MAP1LC3B: variants seen among roughly 807,000 people sequenced by gnomAD.
The protein encoded by MAP1LC3B is microtubule-associated protein 1 light chain 3 beta.
In MAP1LC3B, 12 loss-of-function variants were observed where a neutral mutation model predicts 16.7. The observed-to-expected ratio is 0.72, with a 90% CI of 0.46 to 1.16. The LOEUF (loss-of-function observed/expected upper bound fraction) is 1.16. MAP1LC3B is among the 50% of genes most tolerant of loss of function. MAP1LC3B has a pLI of 0.00. For synonymous variants in MAP1LC3B, 63 were observed against 56.5 expected, an observed-to-expected ratio of 1.11 and a Z score of -0.51; for missense variants, 155 against 159.5, an observed-to-expected ratio of 0.97 and a Z score of 0.15.
chr16:87,392,617 G>A (rs1486349725), intron 1 of MAP1LC3B, 150 bp downstream of exon 1: 8 of 684,940 alleles, frequency 1.2e-5, no homozygotes. Context: ...GAGGGATGCG[G>A]GGCCCGGGGC....
chr16:87,398,533 A>C (rs565874195), intron 1 of MAP1LC3B, among the ~76,000 whole-genome samples: 16 of 152,354 alleles, frequency 1.1e-4, no homozygotes, highest in African/African-American at 3.4e-4. Flanking sequence ...GTCTGACCAC[A>C]AACTTTGGGC....
At chr16:87,395,155 A>G (rs917465123) in intron 1 of MAP1LC3B, among the ~76,000 whole-genome samples, 4 of 152,240 alleles carry the variant, frequency 2.6e-5, no homozygotes, top group African/African-American at 9.6e-5. Context: ...CAACTTTGCA[A>G]AGAACGTGTT....
intron 2 of MAP1LC3B, 75 bp from the exon 3 acceptor site, chr16:87,402,100 G>T: frequency 6.8e-7 from 1 of 1,473,852 alleles, no homozygotes; most frequent in South Asian, 1.2e-5. Context: ...CTCCCAAAAT[G>T]CTGGGGTTAC....
intron 3 of MAP1LC3B, 24 bp downstream of exon 3, chr16:87,402,305 A>G: frequency 6.3e-7 from 1 of 1,599,368 alleles, no homozygotes; most frequent in Non-Finnish European, 8.6e-7. Context: ...TTTGTTTCAT[A>G]ATATATTTCC....
intron 1 of MAP1LC3B, among the ~76,000 whole-genome samples, chr16:87,394,929 A>G (rs533362478): frequency 6.7e-6 from 1 of 149,970 alleles, no homozygotes; most frequent in South Asian, 2.1e-4. Flanking sequence ...CCAAACAGAC[A>G]AATAAGAGTT....
chr16:87,394,375 A>G (rs1907726488), intron 1 of MAP1LC3B, among the ~76,000 whole-genome samples: 1 of 152,238 alleles, frequency 6.6e-6, no homozygotes, highest in Non-Finnish European at 1.5e-5. Context: ...AGTGAGGGAA[A>G]TGAATCCTTA....
intron 3 of MAP1LC3B, chr16:87,402,568 G>A (rs1908032375): frequency 1.8e-6 from 1 of 544,418 alleles, no homozygotes. Context: ...TTAAGGTATT[G>A]TACAGCAAAG....
rs201944881 is a variant in MAP1LC3B at position 87,402,912 on chromosome 16, T to G, written c.204-11T>G. ...TTGTCAATATTTCTTCACGTTGTTT[T>G]CTTTCAATAGAAGGCGCTTACAGCT... On this transcript the variant is annotated splice_polypyrimidine_tract_variant and intron_variant, in intron 3 of 3. Coordinates refer to ENST00000268607, the MANE Select transcript of MAP1LC3B (RefSeq NM_022818.5). 1 of 1,613,734 alleles carries G rather than the reference T, an allele frequency of 6.2e-7. No homozygotes were observed. The highest frequency in any genetic ancestry group is 8.5e-7 in the Non-Finnish European group (1 of 1,179,786).
At chr16:87,393,503 T>C (rs1167956275) in intron 1 of MAP1LC3B, among the ~76,000 whole-genome samples, 3 of 152,184 alleles carry the variant, frequency 2.0e-5, no homozygotes, top group Non-Finnish European at 4.4e-5. Context: ...TTGGATATAG[T>C]TTTGCAGGTC....
intron 2 of MAP1LC3B, 123 bp downstream of exon 2, chr16:87,398,993 C>T (rs1001600965): frequency 1.5e-5 from 12 of 806,718 alleles, no homozygotes; most frequent in Non-Finnish European, 2.6e-5. Context: ...GTGTCAGTTT[C>T]ACAACCTAGA....
intron 2 of MAP1LC3B, chr16:87,399,666 C>T: frequency 4.4e-6 from 2 of 450,676 alleles, no homozygotes; most frequent in Non-Finnish European, 8.9e-6. Flanking sequence ...TAATGAGACT[C>T]AGAGGCTCAT....
In MAP1LC3B at chr16:87,396,151, G is replaced by A. The variant is rs1597388956; in HGVS notation, c.41-2664G>A. 3.3e-5 allele frequency among the ~76,000 whole-genome samples: 5 copies of A among 151,010 alleles called. No homozygotes were observed. The South Asian group carries it at 6.4e-4, about 19-fold the overall frequency. ...GCTGGGTTTACGAGCGTGAGCCACC[G>A]CACCCAGCCAAACCTAGTTTCCTAT... On this transcript the variant is annotated intron_variant, in intron 1 of 3. Transcript: ENST00000268607.
intron 2 of MAP1LC3B, among the ~76,000 whole-genome samples, chr16:87,401,923 C>T (rs555970272): frequency 1.3e-5 from 2 of 152,060 alleles, no homozygotes; most frequent in Non-Finnish European, 2.9e-5. Flanking sequence ...AGCTCCACCT[C>T]CCGGGTTCAC....
Position 87,403,833 on chromosome 16 carries a change from GAA to G in MAP1LC3B, c.*738_*739del, listed in dbSNP as rs1488717008. The G allele has an allele frequency of 1.3e-5, 2 of 152,206 alleles. No individual in the cohort carries two copies. The highest frequency in any genetic ancestry group is 4.8e-5 in the African/African-American group (2 of 41,434). The allele number at this position is 152,206 out of a possible 1,614,324, so 9.4% of individuals were successfully genotyped here. A position where few individuals can be genotyped will look rare whatever the true frequency, so the allele number is the denominator to read the frequency against. On this transcript the variant is annotated 3_prime_UTR_variant, in exon 4 of 4. Transcript: ENST00000268607. ...ATCGAGTTTCTTAAAAGACCCTGGA[GAA>G]AGAGTGGCATTTCTTCTGTTTCAGG...
chr16:87,401,155 A>C (rs1907981439), intron 2 of MAP1LC3B, among the ~76,000 whole-genome samples: 2 of 135,862 alleles, frequency 1.5e-5, no homozygotes, highest in Admixed American at 1.5e-4. Flanking sequence ...AAAAAAAAAA[A>C]ACTTCAGCCA....
In MAP1LC3B at chr16:87,402,213, T is replaced by C. The variant is rs768879589; in HGVS notation, c.135T>C (p.Pro45=). Residue 45 remains proline (P), a synonymous_variant, in exon 3 of 4, where the codon CCT becomes CCC. Coordinates refer to ENST00000268607, the MANE Select transcript of MAP1LC3B (RefSeq NM_022818.5). ...IERYKGEKQL[P]VLDKTKFLVP... is the part of the protein sequence containing the mutation. ...GATACAAGGGTGAGAAGCAGCTTCCTGTTCTGGATAAAACAAAGTTCCTTG... is the reference window on the plus strand; with the variant it reads ...GATACAAGGGTGAGAAGCAGCTTCCCGTTCTGGATAAAACAAAGTTCCTTG... 4.3e-6 allele frequency: 7 copies of C among 1,614,156 alleles called. No homozygotes were observed. The South Asian group carries it at 5.5e-5, about 13-fold the overall frequency.
intron 2 of MAP1LC3B, among the ~76,000 whole-genome samples, chr16:87,400,840 T>C (rs1041703049): frequency 2.6e-5 from 4 of 151,868 alleles, no homozygotes; most frequent in African/African-American, 9.7e-5. Flanking sequence ...TTTACTTTCA[T>C]TAGAACTTCA....
In MAP1LC3B at chr16:87,403,763, A is replaced by G. The variant is rs978505292; in HGVS notation, c.*666A>G. On this transcript the variant is annotated 3_prime_UTR_variant, in exon 4 of 4. Transcript: ENST00000268607. The stretch of plus-strand genomic sequence containing the variant: ...GTTTGTTCTCTAGATAGTTACACAC[A>G]TAAAGACACCACTCAAAAGGAAACT... The G allele has an allele frequency of 3.9e-5, 6 of 152,244 alleles. No individual in the cohort carries two copies. Among genetic ancestry groups the G allele is most frequent in the African/African-American group, 7.2e-5 (3 of 41,466 alleles). The allele number at this position is 152,244 out of a possible 1,614,324, so 9.4% of individuals were successfully genotyped here.
chr16:87,402,328 C>T, intron 3 of MAP1LC3B, 47 bp downstream of exon 3: 1 of 1,533,968 alleles, frequency 6.5e-7, no homozygotes. Flanking sequence ...TGAGTAACTT[C>T]TTATTCTTTA....
Sources: allele counts gnomAD v4.1 joint callset (sites outside exome capture counted in the v4.1 genomes callset), GRCh38; gene constraint gnomAD v4.1.1; transcripts MANE v1.5; gene names NCBI Gene and HGNC (gene_info 2026-07-23, HGNC 2026-07-21).